The following TRHDE variants were observed in gnomAD, a reference collection of about 807,000 sequenced individuals.
TRHDE encodes thyrotropin releasing hormone degrading enzyme.
In TRHDE, 72 loss-of-function variants were observed where a neutral mutation model predicts 125.7. The observed-to-expected ratio is 0.57, with a 90% confidence interval of 0.47 to 0.70. TRHDE has a LOEUF of 0.70. Ranked by LOEUF, TRHDE falls within the 30% of genes least tolerant of loss-of-function variation. The pLI, the probability that TRHDE is intolerant of heterozygous loss-of-function variation, is 0.00. For missense variants in TRHDE, 1,110 were observed against 1,327.1 expected (o/e 0.84, Z 2.54); for synonymous variants, 509 against 509.1 (o/e 1.00, Z 0.00).
At chr12:72,139,592 A>G (rs529978134) in intron 2 of TRHDE, among the ~76,000 whole-genome samples, 9 of 152,092 alleles carry the variant, frequency 5.9e-5, no homozygotes, top group African/African-American at 9.7e-5. Context: ...AACCTTAGGA[A>G]TGACACAGGT....
chr12:72,483,685 C>T (rs1186220486), intron 5 of TRHDE, among the ~76,000 whole-genome samples: 1 of 151,870 alleles, frequency 6.6e-6, no homozygotes, highest in African/African-American at 2.4e-5. Flanking sequence ...GATTAACTTT[C>T]TGGGCTCTTC....
At chr12:72,430,263 TACAC>T (rs1456990876) in intron 3 of TRHDE, among the ~76,000 whole-genome samples, 2 of 145,854 alleles carry the variant, frequency 1.4e-5, no homozygotes, top group African/African-American at 5.1e-5. Flanking sequence ...ATATATATAA[TACAC>T]ACATATAAAA....
chr12:72,435,169 C>T (rs896619323), intron 3 of TRHDE, among the ~76,000 whole-genome samples: 2 of 152,126 alleles, frequency 1.3e-5, no homozygotes, highest in East Asian at 3.9e-4. Flanking sequence ...AGAAAGCTCC[C>T]AATTTGTAAA....
intron 2 of TRHDE, among the ~76,000 whole-genome samples, chr12:72,165,069 G>A (rs1876715433): frequency 6.6e-6 from 1 of 152,104 alleles, no homozygotes; most frequent in African/African-American, 2.4e-5. Context: ...AAAACTCAAG[G>A]TCTGTGAACA....
chr12:72,470,063 T>C, intron 4 of TRHDE, 151 bp downstream of exon 4: 1 of 752,986 alleles, frequency 1.3e-6, no homozygotes. Flanking sequence ...ATATGTCATT[T>C]TTCTCCAATC....
intron 6 of TRHDE, among the ~76,000 whole-genome samples, chr12:72,515,733 T>C (rs980201391): frequency 6.6e-6 from 1 of 152,070 alleles, no homozygotes; most frequent in African/African-American, 2.4e-5. Flanking sequence ...ATGTCCTAAA[T>C]GGTAATGCCT....
At chr12:72,494,750 A>G (rs1447805502) in intron 5 of TRHDE, among the ~76,000 whole-genome samples, 1 of 152,072 alleles carries the variant, frequency 6.6e-6, no homozygotes, top group Non-Finnish European at 1.5e-5. Context: ...AGAACTATTA[A>G]TAATTCCCTT....
At chr12:72,390,708 T>C (rs1872584292) in intron 3 of TRHDE, among the ~76,000 whole-genome samples, 1 of 152,214 alleles carries the variant, frequency 6.6e-6, no homozygotes, top group Admixed American at 6.5e-5. Context: ...ACTCCATGAT[T>C]ACTTATTGAT....
Position 72,272,498 on chromosome 12 carries a change from A to G in TRHDE, c.-146A>G, listed in dbSNP as rs1879262828. The G allele has an allele frequency of 3.7e-6, 2 of 541,782 alleles. No homozygotes were observed. Among genetic ancestry groups the G allele is most frequent in the Non-Finnish European group, 6.6e-6 (2 of 304,766 alleles). The allele number at this position is 541,782 out of a possible 1,614,324, so 33.6% of individuals were successfully genotyped here. A position where few individuals can be genotyped will look rare whatever the true frequency, so the allele number is the denominator to read the frequency against. ...GAAGCTGCCGTCGCTTGTGTCCAGA[A>G]CCCGTCTTAAAAGAACCCGGGCCAG... On this transcript the variant is annotated 5_prime_UTR_variant, in exon 1 of 19. Transcript: ENST00000261180. The surrounding 1 kb of genome is among the most constrained non-coding windows in gnomAD (Gnocchi z 6.7).
intron 15 of TRHDE, among the ~76,000 whole-genome samples, chr12:72,623,789 A>C (rs146663525): frequency 6.6e-6 from 1 of 152,142 alleles, no homozygotes; most frequent in African/African-American, 2.4e-5. Flanking sequence ...GGAATTGCAG[A>C]CAGAAGAAAG....
At chr12:72,551,856 C>G (rs1321866483) in intron 7 of TRHDE, among the ~76,000 whole-genome samples, 1 of 152,062 alleles carries the variant, frequency 6.6e-6, no homozygotes, top group Non-Finnish European at 1.5e-5. Flanking sequence ...TGGAGCAACT[C>G]TAGATCGGGT....
intron 16 of TRHDE, among the ~76,000 whole-genome samples, chr12:72,652,776 G>A (rs2136110359): frequency 6.6e-6 from 1 of 151,710 alleles, no homozygotes; most frequent in Admixed American, 6.6e-5. Context: ...CATCAAACCA[G>A]AATTGTGATA....
chr12:72,668,502 T>G lies in TRHDE; in HGVS notation c.*5307T>G, dbSNP rs988860141. On this transcript the variant is annotated 3_prime_UTR_variant, in exon 19 of 19. Coordinates refer to ENST00000261180, the MANE Select transcript of TRHDE (RefSeq NM_013381.3). ...TAGTATTTTGAAGATGTTTATCTTT[T>G]GTACATTCCTAGTTCATTTATTAAT... The G allele has an allele frequency of 5.3e-5, 8 of 151,844 alleles. No individual in the cohort carries two copies. Among genetic ancestry groups the G allele is most frequent in the African/African-American group, 1.7e-4 (7 of 41,432 alleles). The allele number at this position is 151,844 out of a possible 1,614,324, so 9.4% of individuals were successfully genotyped here.
chr12:72,126,273 C>T (rs1342041520), intron 2 of TRHDE, among the ~76,000 whole-genome samples: 1 of 152,142 alleles, frequency 6.6e-6, no homozygotes, highest in African/African-American at 2.4e-5. Flanking sequence ...TTAAAAATGG[C>T]CTTACTGCCC....
chr12:72,136,138 C>G (rs1566239040), intron 2 of TRHDE, among the ~76,000 whole-genome samples: 1 of 152,086 alleles, frequency 6.6e-6, no homozygotes, highest in East Asian at 1.9e-4. Context: ...TATGTCTAGG[C>G]TTATTTTCAG....
intron 12 of TRHDE, chr12:72,582,589 T>G (rs1369041562): frequency 2.2e-5 from 22 of 985,324 alleles, no homozygotes; most frequent in Non-Finnish European, 2.4e-5. Context: ...GAAAAGCAAG[T>G]GCACCCTGAC....
Position 72,173,549 on chromosome 12 carries a change from G to T in TRHDE, n.279+67797G>T, listed in dbSNP as rs556380932. On this transcript the variant is annotated intron_variant and non_coding_transcript_variant, in intron 2 of 4. Transcript: ENST00000548156. ...CTTGAAGGACCTACTTATCCCACCC[G>T]CATTGTTCCTGCACGTGCTCTTGTG... Among the ~76,000 whole-genome samples, 17 of 152,210 alleles carry T rather than the reference G, an allele frequency of 1.1e-4. No homozygotes were observed. In the South Asian group the frequency reaches 3.5e-3, roughly 32 times the overall value.
chr12:72,594,222 A>G (rs959613046), intron 12 of TRHDE, among the ~76,000 whole-genome samples: 2 of 152,040 alleles, frequency 1.3e-5, no homozygotes, highest in Admixed American at 6.6e-5. Context: ...GGTGTGAGAT[A>G]GTATCTCATT....
chr12:72,640,332 C>A (rs910414309), intron 15 of TRHDE, among the ~76,000 whole-genome samples: 2 of 152,224 alleles, frequency 1.3e-5, no homozygotes, highest in African/African-American at 4.8e-5. Context: ...CTGCGCTTCC[C>A]GAGTGAGGCA....
Sources: allele counts gnomAD v4.1 joint callset (sites outside exome capture counted in the v4.1 genomes callset), GRCh38; gene constraint gnomAD v4.1.1; non-coding constraint Gnocchi (gnomAD v3.1); transcripts MANE v1.5; gene names NCBI Gene and HGNC (gene_info 2026-07-23, HGNC 2026-07-21).